ALDH1L1: variants seen among roughly 807,000 people sequenced by gnomAD.
ALDH1L1 encodes aldehyde dehydrogenase 1 family member L1, also known as cytosolic 10-formyltetrahydrofolate dehydrogenase.
In ALDH1L1, 68 loss-of-function variants were observed where a neutral mutation model predicts 101.1. That is an observed-to-expected ratio of 0.67 (90% CI 0.55 to 0.82). The LOEUF (loss-of-function observed/expected upper bound fraction) is 0.82, where lower values mean the gene tolerates loss of function less well. ALDH1L1 is among the 40% of genes least tolerant of loss of function. ALDH1L1 has a pLI of 0.00. For missense variants in ALDH1L1, 1,087 were observed against 1,172.7 expected, an observed-to-expected ratio of 0.93 and a Z score of 1.07; for synonymous variants, 486 against 470.8, an observed-to-expected ratio of 1.03 and a Z score of -0.42.
chr3:126,139,224 A>G (rs991946620), intron 9 of ALDH1L1, among the ~76,000 whole-genome samples: 10 of 152,318 alleles, frequency 6.6e-5, no homozygotes, highest in Middle Eastern at 3.4e-3. Flanking sequence ...GAGATTTTAA[A>G]AGGCAATACT....
At chr3:126,126,591 C>T (rs2080190918) in intron 14 of ALDH1L1, among the ~76,000 whole-genome samples, 1 of 146,852 alleles carries the variant, frequency 6.8e-6, no homozygotes. Flanking sequence ...CCACACCCCA[C>T]ACACACCCAG....
intron 1 of ALDH1L1, among the ~76,000 whole-genome samples, chr3:126,166,857 C>A (rs1046531044): frequency 6.6e-6 from 1 of 152,152 alleles, no homozygotes; most frequent in Non-Finnish European, 1.5e-5. Context: ...AGTTTATACA[C>A]TACTTTTGCC....
intron 12 of ALDH1L1, among the ~76,000 whole-genome samples, chr3:126,132,383 C>T (rs1324029332): frequency 6.6e-6 from 1 of 152,220 alleles, no homozygotes; most frequent in Non-Finnish European, 1.5e-5. Context: ...CCTACACCCA[C>T]CAGGACCCGT....
At chr3:126,105,614 A>G (rs1448489967) in intron 22 of ALDH1L1, 112 bp downstream of exon 22, 1 of 1,239,160 alleles carries the variant, frequency 8.1e-7, no homozygotes, top group Admixed American at 1.7e-5. Flanking sequence ...GACAGCCATC[A>G]TGTTCAAGGC....
intron 12 of ALDH1L1, among the ~76,000 whole-genome samples, chr3:126,132,056 G>T (rs2080320079): frequency 1.3e-5 from 2 of 152,362 alleles, no homozygotes; most frequent in Middle Eastern, 6.8e-3. Flanking sequence ...GGAGCAACGT[G>T]GGGGCTGACG....
rs778512889 is a variant in ALDH1L1 at position 126,110,028 on chromosome 3, G to C, written c.2263C>G (p.Leu755Val). Reference protein sequence around the residue: ...DHGPQNHHAHLVKLMEYCQHG... With the variant: ...DHGPQNHHAHVVKLMEYCQHG... ...TGGCAGTACTCCATCAGCTTCACAA[G>C]GTGGGCATGGTGATTCTGCGGCCCG... The change falls in exon 20 of 23, where the codon CTT becomes GTT. Residue 755 changes from leucine to valine, a missense_variant. Coordinates refer to ENST00000393434, the MANE Select transcript of ALDH1L1 (RefSeq NM_012190.4). 2.5e-6 allele frequency: 4 copies of C among 1,614,224 alleles called. No homozygotes were observed. The highest frequency in any genetic ancestry group is 3.4e-6 in the Non-Finnish European group (4 of 1,180,044).
At chr3:126,134,177 C>T (rs1285978368) in intron 12 of ALDH1L1, among the ~76,000 whole-genome samples, 9 of 152,208 alleles carry the variant, frequency 5.9e-5, no homozygotes, top group Admixed American at 5.2e-4. Flanking sequence ...CTCTGCTGTG[C>T]TGAGCTGAGG....
At chr3:126,155,680 A>G in intron 4 of ALDH1L1, 177 bp from the exon 5 acceptor site, 1 of 538,322 alleles carries the variant, frequency 1.9e-6, no homozygotes, top group East Asian at 3.3e-5. Context: ...CCTAACTTCT[A>G]TTGCACAACG....
At chr3:126,170,243 G>A (rs934547243) in intron 1 of ALDH1L1, among the ~76,000 whole-genome samples, 5 of 151,744 alleles carry the variant, frequency 3.3e-5, no homozygotes, top group Non-Finnish European at 7.4e-5. Flanking sequence ...ACACCCTCGC[G>A]GGAACTGCTG....
chr3:126,135,470 C>T (rs1370511960), intron 12 of ALDH1L1, 65 bp downstream of exon 12: 6 of 1,466,436 alleles, frequency 4.1e-6, no homozygotes, highest in African/African-American at 3.9e-5. Context: ...CACAGAAGTC[C>T]CCCCCGTGCC....
intron 12 of ALDH1L1, among the ~76,000 whole-genome samples, chr3:126,132,906 G>A (rs115030105): frequency 0.029 from 4,418 of 152,336 alleles, 110 homozygotes; most frequent in Non-Finnish European, 0.043. Context: ...CTCAGCTCAG[G>A]TTTGCTGCAT....
Position 126,158,642 on chromosome 3 carries a change from G to C in ALDH1L1, c.128-3C>G. 6.2e-7 allele frequency: 1 copy of C among 1,607,536 alleles called. No individual in the cohort carries two copies. Among genetic ancestry groups the C allele is most frequent in the Non-Finnish European group, 8.5e-7 (1 of 1,174,492 alleles). On this transcript the variant is annotated splice_region_variant and splice_polypyrimidine_tract_variant and intron_variant, in intron 2 of 22. Transcript: ENST00000393434. Reference sequence around the variant, plus strand: ...TCCATCCTTCTCAGCTTCCAGACCTGTGGGACGGTGGATAAGAAACTGGCC... The same window carrying C: ...TCCATCCTTCTCAGCTTCCAGACCTCTGGGACGGTGGATAAGAAACTGGCC...
intron 1 of ALDH1L1, among the ~76,000 whole-genome samples, chr3:126,166,481 T>C (rs1440726148): frequency 6.6e-6 from 1 of 152,222 alleles, no homozygotes; most frequent in African/African-American, 2.4e-5. Flanking sequence ...TCAAAAGTCC[T>C]TTATGTTTTT....
intron 2 of ALDH1L1, chr3:126,159,404 T>A (rs748555403): frequency 1.5e-5 from 7 of 456,452 alleles, no homozygotes; most frequent in Admixed American, 7.0e-5. Context: ...CTTCCTGCAG[T>A]CGCTGTCCCC....
intron 1 of ALDH1L1, among the ~76,000 whole-genome samples, chr3:126,196,981 G>T (rs1182923028): frequency 7.1e-6 from 1 of 139,864 alleles, no homozygotes; most frequent in Non-Finnish European, 1.6e-5. Context: ...TTTAGAGTTT[G>T]CTGTGACATG....
At chr3:126,153,718 A>T (rs1289614566) in intron 6 of ALDH1L1, 137 bp from the exon 7 acceptor site, 2 of 1,140,322 alleles carry the variant, frequency 1.8e-6, no homozygotes, top group African/African-American at 3.2e-5. Flanking sequence ...CTCAAAGCCC[A>T]TGTGACCCCT....
rs1191692764 is a variant in ALDH1L1 at position 126,136,829 on chromosome 3, C to G, written c.1279G>C (p.Gly427Arg). 1.9e-6 allele frequency: 3 copies of G among 1,610,718 alleles called. No individual in the cohort carries two copies. The Admixed American group carries it at 5.0e-5, about 27-fold the overall frequency. The change falls in exon 11 of 23, where the codon GGG (glycine) becomes CGG (arginine). Residue 427 changes from glycine (G) to arginine (R), a missense_variant. Physicochemically the swap from Gly to Arg is moderately radical, Grantham distance 125. Coordinates refer to ENST00000393434, the MANE Select transcript of ALDH1L1 (RefSeq NM_012190.4). ...CCCTCGGCATCCACGAACTCCCCCC[C>G]AATGAAGAGCTGGTGGGGCATGCGG... ...TVRMPHQLFI[G>R]GEFVDAEGAK...
intron 1 of ALDH1L1, among the ~76,000 whole-genome samples, chr3:126,190,911 A>G (rs2081549568): frequency 6.6e-6 from 1 of 152,266 alleles, no homozygotes. Context: ...AATCTCAGGT[A>G]AAAGCAAAAA....
intron 1 of ALDH1L1, among the ~76,000 whole-genome samples, chr3:126,167,692 C>A (rs2081196486): frequency 6.6e-6 from 1 of 151,910 alleles, no homozygotes; most frequent in Non-Finnish European, 1.5e-5. Flanking sequence ...TCTGTGACTA[C>A]AACAATAAAG....
Sources: gnomAD v4.1 joint callset for allele counts (sites outside exome capture counted in the v4.1 genomes callset) on GRCh38, gnomAD v4.1.1 for gene constraint, MANE v1.5 for transcripts, NCBI Gene and HGNC (gene_info 2026-07-23, HGNC 2026-07-21) for gene names.